The following ANK3 variants were observed in gnomAD, a reference collection of about 807,000 sequenced individuals.
ANK3 encodes ankyrin-3.
Under a neutral mutation model 370.9 loss-of-function variants are expected in ANK3, and 57 were observed. The observed-to-expected ratio is 0.15, with a 90% confidence interval of 0.12 to 0.19. The LOEUF (loss-of-function observed/expected upper bound fraction) is 0.19. Ranked by LOEUF, ANK3 falls within the 10% of genes least tolerant of loss-of-function variation. The pLI, the probability that ANK3 is intolerant of heterozygous loss-of-function variation, is 1.00. For synonymous variants in ANK3, 1,929 were observed against 1,946.3 expected (o/e 0.99, Z 0.23); for missense variants, 4,439 against 5,302.1 (o/e 0.84, Z 5.06).
intron 1 of ANK3, among the ~76,000 whole-genome samples, chr10:60,348,880 A>G (rs2056278098): frequency 1.3e-5 from 2 of 152,214 alleles, no homozygotes; most frequent in Non-Finnish European, 2.9e-5. Flanking sequence ...ACATTGAATG[A>G]AAGGGGTATA....
At chr10:60,213,888 AT>A (rs1403708748) in intron 8 of ANK3, among the ~76,000 whole-genome samples, 1 of 152,150 alleles carries the variant, frequency 6.6e-6, no homozygotes, top group Non-Finnish European at 1.5e-5. Flanking sequence ...TTCTTTTTCC[AT>A]TCCATTTCCC....
chr10:60,497,475 A>G (rs1433883988), intron 2 of ANK3, among the ~76,000 whole-genome samples: 1 of 152,204 alleles, frequency 6.6e-6, no homozygotes. Context: ...ATGTATTCAC[A>G]CTTTGTACTT....
At chr10:60,607,439 C>T (rs2078143347) in intron 2 of ANK3, among the ~76,000 whole-genome samples, 1 of 152,146 alleles carries the variant, frequency 6.6e-6, no homozygotes, top group African/African-American at 2.4e-5. Flanking sequence ...CTAACGGAGG[C>T]TGAATCCAGC....
chr10:60,715,609 C>T (rs552288490), intron 1 of ANK3, among the ~76,000 whole-genome samples: 4 of 152,094 alleles, frequency 2.6e-5, no homozygotes, highest in Non-Finnish European at 5.9e-5. Context: ...GGAGTAACTT[C>T]TGGAGACTTT....
chr10:60,336,718 T>C (rs1276537225), intron 1 of ANK3, among the ~76,000 whole-genome samples: 1 of 152,226 alleles, frequency 6.6e-6, no homozygotes, highest in African/African-American at 2.4e-5. Flanking sequence ...AAGACAACTG[T>C]AAATGAATAG....
At chr10:60,227,973 A>C (rs2097188510) in intron 8 of ANK3, among the ~76,000 whole-genome samples, 2 of 152,150 alleles carry the variant, frequency 1.3e-5, no homozygotes, top group Non-Finnish European at 2.9e-5. Flanking sequence ...ATGATATGTT[A>C]TAAATAATTT....
chr10:60,457,465 A>G (rs2064776973), intron 2 of ANK3, among the ~76,000 whole-genome samples: 1 of 152,072 alleles, frequency 6.6e-6, no homozygotes, highest in Non-Finnish European at 1.5e-5. Context: ...TATAGAATAG[A>G]TTGCTAATAT....
At chr10:60,035,563 C>G (rs1175529595) in intron 43 of ANK3, among the ~76,000 whole-genome samples, 1 of 151,652 alleles carries the variant, frequency 6.6e-6, no homozygotes, top group Non-Finnish European at 1.5e-5. Flanking sequence ...AAAAAGAGAG[C>G]CACAAAGCTT....
chr10:60,502,044 C>A (rs201634049), intron 2 of ANK3, among the ~76,000 whole-genome samples: 1 of 54,292 alleles, frequency 1.8e-5, no homozygotes, highest in South Asian at 5.3e-4. Context: ...CTACAGGATA[C>A]CCCAAATGAC....
At chr10:60,053,672 T>A (rs1481090527) in intron 42 of ANK3, 2 of 1,303,048 alleles carry the variant, frequency 1.5e-6, no homozygotes, top group Non-Finnish European at 2.0e-6. Context: ...ATAGCAGAAT[T>A]TTACCTTATA....
At chr10:60,539,909 GA>G (rs1342678993) in intron 2 of ANK3, among the ~76,000 whole-genome samples, 5 of 151,732 alleles carry the variant, frequency 3.3e-5, no homozygotes, top group Non-Finnish European at 7.4e-5. Context: ...TCTAGTGGGA[GA>G]AAAAAACAAA....
rs74155642 is a variant in ANK3, at chr10:60,649,169, C to T, written c.58-33945G>A. 9.0e-3 allele frequency among the ~76,000 whole-genome samples: 1,363 copies of T among 152,166 alleles called. 15 individuals carry two copies. The highest frequency in any genetic ancestry group is 0.031 in the African/African-American group (1,282 of 41,518). On this transcript the variant is annotated intron_variant, in intron 1 of 43. Coordinates refer to the ANK3 transcript ENST00000373827. ...CCAGTTACTAAGAGAGAGCATTTTG[C>T]TTCTTGGATTGCCAGTATTCTGACA... is the stretch of plus-strand genomic sequence containing the variant.
intron 2 of ANK3, among the ~76,000 whole-genome samples, chr10:60,576,853 C>G (rs1231079717): frequency 6.6e-6 from 1 of 152,178 alleles, no homozygotes; most frequent in Non-Finnish European, 1.5e-5. Flanking sequence ...CCTGAGACAC[C>G]TAGCCAGTTC....
intron 43 of ANK3, among the ~76,000 whole-genome samples, chr10:60,032,078 T>C (rs2131832941): frequency 6.6e-6 from 1 of 152,076 alleles, no homozygotes; most frequent in African/African-American, 2.4e-5. Flanking sequence ...TAGATGGTCC[T>C]ATGATAATGT....
intron 1 of ANK3, among the ~76,000 whole-genome samples, chr10:60,730,527 A>C (rs1383690840): frequency 6.6e-6 from 1 of 152,242 alleles, no homozygotes; most frequent in African/African-American, 2.4e-5. Flanking sequence ...TCTAGGAGAA[A>C]GTAGACTATA....
chr10:60,111,761 G>A, intron 26 of ANK3: 1 of 456,092 alleles, frequency 2.2e-6, no homozygotes, highest in South Asian at 1.6e-5. Context: ...AAGTGGAGAA[G>A]AATAGCTGCA....
intron 42 of ANK3, chr10:60,051,595 C>T: frequency 1.1e-6 from 1 of 903,530 alleles, no homozygotes; most frequent in Non-Finnish European, 1.3e-6. Context: ...ATTTTACCAT[C>T]ACACTTAAAA....
chr10:60,573,299 G>A (rs559832306), intron 2 of ANK3, among the ~76,000 whole-genome samples: 8 of 151,856 alleles, frequency 5.3e-5, no homozygotes, highest in South Asian at 2.1e-4. Context: ...GGTTTATGAC[G>A]GAAAGCCCCA....
intron 2 of ANK3, among the ~76,000 whole-genome samples, chr10:60,574,724 G>A (rs1047534382): frequency 2.6e-5 from 4 of 152,188 alleles, no homozygotes; most frequent in African/African-American, 7.2e-5. Flanking sequence ...TGAGGATGAG[G>A]TAGGTGCTTT....
Sources: allele counts gnomAD v4.1 joint callset (sites outside exome capture counted in the v4.1 genomes callset), GRCh38; gene constraint gnomAD v4.1.1; transcripts MANE v1.5; gene names NCBI Gene and HGNC (gene_info 2026-07-23, HGNC 2026-07-21).